Variants in PACRG observed in about 807,000 individuals in gnomAD.
PACRG encodes parkin coregulated, also known as parkin coregulated gene protein.
Under a neutral mutation model 29.7 loss-of-function variants are expected in PACRG, and 29 were observed. The observed-to-expected ratio is 0.98, with a 90% CI of 0.73 to 1.33. PACRG has a LOEUF of 1.33. PACRG is among the 40% of genes most tolerant of loss of function. PACRG has a pLI of 0.00. For missense variants in PACRG, 279 were observed against 316.2 expected, an observed-to-expected ratio of 0.88 and a Z score of 0.89; for synonymous variants, 116 against 118.7, an observed-to-expected ratio of 0.98 and a Z score of 0.15.
At chr6:163,165,917 T>C (rs1229893579) in intron 4 of PACRG, 1 of 362,566 alleles carries the variant, frequency 2.8e-6, no homozygotes, top group East Asian at 7.4e-5. Flanking sequence ...TAAGGCACCA[T>C]TAGCCATTCT....
intron 3 of PACRG, among the ~76,000 whole-genome samples, chr6:163,085,671 T>A (rs1177688643): frequency 2.0e-5 from 3 of 152,224 alleles, no homozygotes; most frequent in Admixed American, 6.5e-5. Flanking sequence ...CTGCTTCCTC[T>A]CCTGGAAACT....
intron 2 of PACRG, among the ~76,000 whole-genome samples, chr6:162,826,607 G>A (rs1788306036): frequency 6.6e-6 from 1 of 151,782 alleles, no homozygotes; most frequent in Admixed American, 6.6e-5. Flanking sequence ...GGAATTACAG[G>A]CATGCGCCAC....
chr6:162,796,501 A>G (rs1785393677), intron 1 of PACRG, among the ~76,000 whole-genome samples: 1 of 151,920 alleles, frequency 6.6e-6, no homozygotes, highest in African/African-American at 2.4e-5. Flanking sequence ...ACGGTATATC[A>G]CCTATAGCCC....
chr6:162,749,700 A>G (rs1781373264), intron 1 of PACRG, among the ~76,000 whole-genome samples: 1 of 151,988 alleles, frequency 6.6e-6, no homozygotes, highest in Non-Finnish European at 1.5e-5. Flanking sequence ...TTGTATTTTC[A>G]GTAGAGATGG....
At chr6:162,976,106 C>T (rs1419681250) in intron 2 of PACRG, among the ~76,000 whole-genome samples, 1 of 152,102 alleles carries the variant, frequency 6.6e-6, no homozygotes, top group Admixed American at 6.6e-5. Flanking sequence ...TTTGAGAAAT[C>T]CTGAAACCCG....
intron 3 of PACRG, among the ~76,000 whole-genome samples, chr6:163,070,002 G>A (rs776745416): frequency 6.6e-6 from 1 of 152,118 alleles, no homozygotes; most frequent in Admixed American, 6.5e-5. Context: ...CCAGGAGAGG[G>A]TGTCATGACA....
chr6:162,768,008 T>C (rs1033197348), intron 1 of PACRG, among the ~76,000 whole-genome samples: 3 of 152,084 alleles, frequency 2.0e-5, no homozygotes, highest in Admixed American at 2.0e-4. Flanking sequence ...AAATTAGATG[T>C]TATGTTTATT....
chr6:162,763,172 C>G (rs993651145), intron 1 of PACRG, among the ~76,000 whole-genome samples: 1 of 152,180 alleles, frequency 6.6e-6, no homozygotes, highest in Non-Finnish European at 1.5e-5. Context: ...GAGAGTATAG[C>G]TCTGCTTTTA....
chr6:162,999,622 A>G (rs993134220), intron 2 of PACRG, among the ~76,000 whole-genome samples: 5 of 152,258 alleles, frequency 3.3e-5, no homozygotes, highest in African/African-American at 1.2e-4. Context: ...AGTGACACAT[A>G]GAATTCCTTT....
At chr6:162,951,265 C>G (rs1289643938) in intron 2 of PACRG, among the ~76,000 whole-genome samples, 1 of 152,168 alleles carries the variant, frequency 6.6e-6, no homozygotes. Context: ...GGTTTTCTAT[C>G]AAGTCTATTT....
intron 2 of PACRG, among the ~76,000 whole-genome samples, chr6:163,049,333 G>A (rs1585090319): frequency 6.6e-6 from 1 of 151,722 alleles, no homozygotes; most frequent in East Asian, 1.9e-4. Flanking sequence ...TTTTATACCA[G>A]GAAAAGTTAC....
chr6:163,215,303 A>G (rs1391139222), intron 4 of PACRG, among the ~76,000 whole-genome samples: 2 of 152,240 alleles, frequency 1.3e-5, no homozygotes, highest in East Asian at 1.9e-4. Flanking sequence ...TAAATAGAGA[A>G]ATATCATTCC....
At chr6:163,301,236 C>T (rs4709696) in intron 4 of PACRG, among the ~76,000 whole-genome samples, 36,179 of 152,156 alleles carry the variant, frequency 0.24, 5,461 homozygotes, top group African/African-American at 0.43. Flanking sequence ...AAATCAGGAC[C>T]TTGTGGAGAC....
chr6:163,037,900 G>A (rs568218249), intron 2 of PACRG, among the ~76,000 whole-genome samples: 1 of 152,310 alleles, frequency 6.6e-6, no homozygotes. Flanking sequence ...GACAAAGGAA[G>A]ATTTACTGAA....
intron 4 of PACRG, among the ~76,000 whole-genome samples, chr6:163,149,031 G>A (rs1383359901): frequency 6.8e-6 from 1 of 147,950 alleles, no homozygotes; most frequent in Non-Finnish European, 1.5e-5. Context: ...CCTGCTGGAG[G>A]GAATTGTGTC....
chr6:163,111,194 G>A (rs1437379475), intron 4 of PACRG, among the ~76,000 whole-genome samples: 1 of 152,124 alleles, frequency 6.6e-6, no homozygotes, highest in African/African-American at 2.4e-5. Flanking sequence ...TAACCCCAGG[G>A]TTCCTTCCCT....
In PACRG at chr6:162,976,911, C is replaced by T. The variant is rs533673106; in HGVS notation, c.292-85239C>T. Among the ~76,000 whole-genome samples the T allele has an allele frequency of 3.3e-5, 5 of 151,782 alleles. No homozygotes were observed. The East Asian group carries it at 9.7e-4, about 29-fold the overall frequency. ...GGGTGCATGAATATAAAAAAATACG[C>T]AAAATGAAAGTGGTTTTCTTTATAG... On this transcript the variant is annotated intron_variant, in intron 2 of 4. Transcript: ENST00000366888.
intron 4 of PACRG, among the ~76,000 whole-genome samples, chr6:163,231,600 C>CA: frequency 6.6e-6 from 1 of 152,298 alleles, no homozygotes; most frequent in East Asian, 1.9e-4. Flanking sequence ...GATGCCTCAG[C>CA]AAAAGGTGAC....
At chr6:162,822,572 C>G (rs554982744) in intron 2 of PACRG, among the ~76,000 whole-genome samples, 1 of 152,222 alleles carries the variant, frequency 6.6e-6, no homozygotes, top group Non-Finnish European at 1.5e-5. Context: ...GGGTTCTAAT[C>G]TGAGTAAAAG....
Sources: allele counts gnomAD v4.1 joint callset (sites outside exome capture counted in the v4.1 genomes callset), GRCh38; gene constraint gnomAD v4.1.1; transcripts MANE v1.5; gene names NCBI Gene and HGNC (gene_info 2026-07-23, HGNC 2026-07-21).